FSTL5: variants seen among roughly 807,000 people sequenced by gnomAD.
The protein encoded by FSTL5 is follistatin-related protein 5.
A neutral mutation model predicts 89.1 loss-of-function variants in FSTL5; 62 were observed. The ratio of observed to expected loss-of-function variants is 0.70; its 90% CI spans 0.57 to 0.86. FSTL5 has a LOEUF of 0.86. FSTL5 is among the 40% of genes least tolerant of loss of function. The probability of loss-of-function intolerance (pLI) is 0.00; values close to 1 mark genes in which losing one functional copy is unlikely to be tolerated. For synonymous variants in FSTL5, 383 were observed against 346.2 expected, an observed-to-expected ratio of 1.11 and a Z score of -1.18; for missense variants, 1,057 against 1,001.6, an observed-to-expected ratio of 1.06 and a Z score of -0.75.
chr4:161,910,246 T>A (rs1477239594), intron 4 of FSTL5, among the ~76,000 whole-genome samples: 1 of 152,144 alleles, frequency 6.6e-6, no homozygotes, highest in Non-Finnish European at 1.5e-5. Context: ...CCTCCGAAGG[T>A]TGAAGTACAC....
rs1729804467 is a variant in FSTL5, at chr4:161,489,916, A to AT, written c.1459-8748_1459-8747insA. On this transcript the variant is annotated intron_variant, in intron 12 of 15. Transcript: ENST00000306100. Reference sequence around the variant, plus strand: ...CATGGCTGCAGGAATTAAAATGCAGAATTTTTTTTGTACTTCAGTCCTATC... The same window carrying AT: ...CATGGCTGCAGGAATTAAAATGCAGATATTTTTTTTGTACTTCAGTCCTATC... 4.9e-5 allele frequency among the ~76,000 whole-genome samples: 7 copies of AT among 142,818 alleles called. No homozygotes were observed. The Admixed American group carries it at 4.9e-4, about 10-fold the overall frequency. The allele number at this position is 142,818 out of a possible 152,430, so 93.7% of individuals were successfully genotyped here.
At chr4:162,131,416 T>C (rs994721773) in intron 1 of FSTL5, among the ~76,000 whole-genome samples, 1 of 152,218 alleles carries the variant, frequency 6.6e-6, no homozygotes, top group African/African-American at 2.4e-5. Context: ...ATAAAAAATT[T>C]TAAAATGTGT....
At chr4:162,104,066 G>A (rs879464969) in intron 2 of FSTL5, among the ~76,000 whole-genome samples, 6 of 152,144 alleles carry the variant, frequency 3.9e-5, no homozygotes, top group Non-Finnish European at 5.9e-5. Context: ...GCTTTCGCTC[G>A]CCGTCCACCA....
chr4:161,853,443 T>C (rs1731623411), intron 4 of FSTL5, among the ~76,000 whole-genome samples: 3 of 152,136 alleles, frequency 2.0e-5, no homozygotes, highest in Admixed American at 2.0e-4. Context: ...AATTTTTGTA[T>C]TTTTAGTAGG....
intron 6 of FSTL5, among the ~76,000 whole-genome samples, chr4:161,751,886 A>G (rs1740403793): frequency 6.6e-6 from 1 of 152,274 alleles, no homozygotes; most frequent in East Asian, 1.9e-4. Context: ...ATGTCAGGTG[A>G]TTAAGTTGCT....
chr4:162,044,911 A>G lies in FSTL5; in HGVS notation c.127-11253T>C, dbSNP rs562145684. Among the ~76,000 whole-genome samples, 3 of 152,262 alleles carry G rather than the reference A, an allele frequency of 2.0e-5. No homozygotes were observed. The South Asian group carries it at 6.2e-4, about 32-fold the overall frequency. ...AAGAGTGAGAATTTTGCTCCAAATT[A>G]TGCTTTGGCTTGGGGGGAGGTTGTG... is the stretch of plus-strand genomic sequence containing the variant. On this transcript the variant is annotated intron_variant, in intron 2 of 15. Transcript: ENST00000306100.
At chr4:161,992,590 C>T (rs563125278) in intron 3 of FSTL5, among the ~76,000 whole-genome samples, 27 of 151,710 alleles carry the variant, frequency 1.8e-4, no homozygotes, top group South Asian at 1.3e-3. Context: ...CGCCTGTAAT[C>T]CCAGCACTTT....
intron 4 of FSTL5, among the ~76,000 whole-genome samples, chr4:161,808,667 A>T (rs1730047090): frequency 6.6e-6 from 1 of 152,156 alleles, no homozygotes; most frequent in African/African-American, 2.4e-5. Context: ...TCAAAATTGA[A>T]AACTGTTCAC....
At chr4:161,983,501 G>T (rs1211708051) in intron 3 of FSTL5, among the ~76,000 whole-genome samples, 2 of 152,144 alleles carry the variant, frequency 1.3e-5, no homozygotes, top group African/African-American at 4.8e-5. Flanking sequence ...CCCAATATAA[G>T]AGTTACTTTG....
At chr4:161,799,852 T>C (rs902179405) in intron 4 of FSTL5, among the ~76,000 whole-genome samples, 1 of 151,644 alleles carries the variant, frequency 6.6e-6, no homozygotes, top group Non-Finnish European at 1.5e-5. Flanking sequence ...TATTTAACCA[T>C]AGGGCTGTGA....
chr4:162,050,096 G>C (rs1738330567), intron 2 of FSTL5, among the ~76,000 whole-genome samples: 1 of 151,764 alleles, frequency 6.6e-6, no homozygotes, highest in African/African-American at 2.4e-5. Flanking sequence ...CAGAAAAATA[G>C]AAACATAAAA....
intron 3 of FSTL5, among the ~76,000 whole-genome samples, chr4:162,011,172 G>A (rs146866820): frequency 1.3e-5 from 2 of 152,092 alleles, no homozygotes; most frequent in African/African-American, 4.8e-5. Context: ...AAGGTTGGGG[G>A]TTTGGAGTTA....
chr4:161,539,624 ACCTCTGCCACAGCAGCATTAAAGCAGC>A (rs1455563796), intron 9 of FSTL5, among the ~76,000 whole-genome samples: 1 of 152,084 alleles, frequency 6.6e-6, no homozygotes, highest in African/African-American at 2.4e-5. Context: ...GCAACTACTC[ACCTCTGCCACAGCAGCATTAAAGCAGC>A]CAGGCAATAC....
chr4:162,083,497 G>C (rs1220772315), intron 2 of FSTL5, among the ~76,000 whole-genome samples: 1 of 151,310 alleles, frequency 6.6e-6, no homozygotes, highest in African/African-American at 2.4e-5. Flanking sequence ...CATTAAAAAA[G>C]TTTTTGCAAA....
chr4:161,650,834 T>G (rs2126677609), intron 7 of FSTL5, among the ~76,000 whole-genome samples: 1 of 152,318 alleles, frequency 6.6e-6, no homozygotes, highest in African/African-American at 2.4e-5. Context: ...GGTGAGCAAC[T>G]CTAGATACTA....
chr4:161,566,869 A>G (rs1006142879), intron 8 of FSTL5, among the ~76,000 whole-genome samples: 2 of 152,046 alleles, frequency 1.3e-5, no homozygotes, highest in African/African-American at 4.8e-5. Flanking sequence ...TGTATTCTAT[A>G]TTTTCCCAGT....
intron 15 of FSTL5, among the ~76,000 whole-genome samples, chr4:161,389,945 T>A (rs1730765558): frequency 6.6e-6 from 1 of 152,040 alleles, no homozygotes; most frequent in Non-Finnish European, 1.5e-5. Context: ...TAAAAATAAA[T>A]AGTGTTACCC....
At chr4:161,512,411 T>G (rs954998595) in intron 10 of FSTL5, among the ~76,000 whole-genome samples, 14 of 152,048 alleles carry the variant, frequency 9.2e-5, no homozygotes, top group African/African-American at 3.4e-4. Context: ...ATGAATTTAG[T>G]GTGTTATAAA....
At chr4:161,776,734 A>C (rs2126804854) in intron 4 of FSTL5, among the ~76,000 whole-genome samples, 1 of 151,978 alleles carries the variant, frequency 6.6e-6, no homozygotes, top group African/African-American at 2.4e-5. Context: ...CATTATGTAC[A>C]TAAATATGTA....
Sources: allele counts gnomAD v4.1 joint callset (sites outside exome capture counted in the v4.1 genomes callset), GRCh38; gene constraint gnomAD v4.1.1; transcripts MANE v1.5; gene names NCBI Gene and HGNC (gene_info 2026-07-23, HGNC 2026-07-21).